GPR179: variants seen among roughly 807,000 people sequenced by gnomAD.
GPR179 encodes G protein-coupled receptor 179.
In GPR179, 52 loss-of-function variants were observed where a neutral mutation model predicts 70.8. That is an observed-to-expected ratio of 0.73 (90% confidence interval 0.59 to 0.93). GPR179 has a LOEUF of 0.93. Among genes scored for constraint, GPR179 ranks in the 40% least tolerant of loss-of-function variants. GPR179 has a pLI of 0.00. For missense variants in GPR179, 2,734 were observed against 2,966.8 expected, an observed-to-expected ratio of 0.92 and a Z score of 1.82; for synonymous variants, 1,123 against 1,169.0, an observed-to-expected ratio of 0.96 and a Z score of 0.80.
chr17:38,338,362 A>G (rs1435486636), intron 2 of GPR179, among the ~76,000 whole-genome samples: 1 of 152,210 alleles, frequency 6.6e-6, no homozygotes, highest in Non-Finnish European at 1.5e-5. Flanking sequence ...ATGAGGTCAG[A>G]TCTATTGTGG....
intron 9 of GPR179, 58 bp downstream of exon 9, chr17:38,333,875 C>T: frequency 7.4e-7 from 1 of 1,343,124 alleles, no homozygotes; most frequent in Non-Finnish European, 1.1e-6. Flanking sequence ...AACCGCTCCA[C>T]AGTGGCCCTG....
intron 3 of GPR179, 102 bp from the exon 4 acceptor site, chr17:38,337,315 T>G: frequency 7.0e-7 from 1 of 1,435,396 alleles, no homozygotes; most frequent in Admixed American, 2.3e-5. Context: ...CCTGTTCTCC[T>G]GTGATCTGGG....
rs1392318735 is a variant in GPR179 at position 38,336,974 on chromosome 17, T to C, written c.1227+4A>G. The C allele has an allele frequency of 6.3e-7, 1 of 1,583,960 alleles. No homozygotes were observed. The highest frequency in any genetic ancestry group is 8.6e-7 in the Non-Finnish European group (1 of 1,165,890). On this transcript the variant is annotated splice_donor_region_variant and intron_variant, in intron 4 of 10. Transcript: ENST00000616987. Reference sequence around the variant, plus strand: ...GTGTGTAGGAGGTGTGGGGCCTTCCTTGCCTTGTTCCGGCGGCAGCGGTAG... The same window carrying C: ...GTGTGTAGGAGGTGTGGGGCCTTCCCTGCCTTGTTCCGGCGGCAGCGGTAG...
rs1273394736 is a variant in GPR179, at chr17:38,335,171, C to A, written c.1507G>T (p.Gly503Cys). ...HLGLLLLPVLGFLAVWTVGAL... is the reference protein window; with the variant it reads ...HLGLLLLPVLCFLAVWTVGAL... The stretch of plus-strand genomic sequence containing the variant: ...CCCACGGTCCACACAGCCAGGAAGC[C>A]CAGCACAGGTAGCAGGAGCAGCCCC... Residue 503 changes from glycine (G) to cysteine (C), a missense_variant, in exon 7 of 11, where the codon GGC (glycine) becomes TGC (cysteine). By Grantham distance (159) the Gly-to-Cys change is radical. Transcript: ENST00000616987. 6.3e-7 allele frequency: 1 copy of A among 1,579,198 alleles called. No homozygotes were observed. The highest frequency in any genetic ancestry group is 8.6e-7 in the Non-Finnish European group (1 of 1,163,070).
intron 4 of GPR179, among the ~76,000 whole-genome samples, 175 bp from the exon 5 acceptor site, chr17:38,336,319 G>T (rs2144271868): frequency 6.6e-6 from 1 of 152,298 alleles, no homozygotes; most frequent in East Asian, 1.9e-4. Flanking sequence ...AACTCCACTG[G>T]CACTAAACAT....
chr17:38,331,218 G>A lies in GPR179; in HGVS notation c.2351C>T (p.Pro784Leu). 1.9e-6 allele frequency: 3 copies of A among 1,597,834 alleles called. No homozygotes were observed. Among genetic ancestry groups the A allele is most frequent in the Non-Finnish European group, 2.6e-6 (3 of 1,173,290 alleles). Residue 784 changes from proline to leucine, a missense_variant, in exon 11 of 11, where the codon CCT (proline) becomes CTT (leucine). Coordinates refer to ENST00000616987, the MANE Select transcript of GPR179 (RefSeq NM_001004334.4). ...CCTCCTCAGCAGTGAGTCAAGAAGA[G>A]GCGGGTCCTGCTCCCTGCGCTGGTC... is the stretch of plus-strand genomic sequence containing the variant. ...TYDQRREQDPPLLDSLLRRKL... is the reference protein window; with the variant it reads ...TYDQRREQDPLLLDSLLRRKL...
Position 38,330,334 on chromosome 17 carries a change from CA to C in GPR179, c.3234del (p.Val1079PhefsTer16). The part of the protein sequence containing the change: ...IFPKSHSLKA[P>X]VQQGSMRSLG... The stretch of plus-strand genomic sequence containing the variant: ...AGGCTGCGCATGGAACCCTGCTGAA[CA>C]GGGGCCTTGAGGCTGTGGGATTTAG... On this transcript the variant is annotated frameshift_variant, in exon 11 of 11. Coordinates refer to ENST00000616987, the MANE Select transcript of GPR179 (RefSeq NM_001004334.4). LOFTEE classifies it low-confidence loss of function (END_TRUNC). 6.2e-7 allele frequency: 1 copy of C among 1,614,018 alleles called. No homozygotes were observed. The highest frequency in any genetic ancestry group is 1.7e-4 in the Middle Eastern group (1 of 6,058).
chr17:38,338,213 C>T (rs1445900863), intron 2 of GPR179, among the ~76,000 whole-genome samples: 1 of 152,252 alleles, frequency 6.6e-6, no homozygotes, highest in Non-Finnish European at 1.5e-5. Context: ...TCGCACAGGA[C>T]TGTTTTTCCC....
In GPR179 at chr17:38,326,138, G is replaced by A; in HGVS notation, c.*327C>T. ...CTGACTTTTTTCATCCCTAACAGTGGCTTTGTGGGTGAGTGTCCAGACTCG... is the reference window on the plus strand; with the variant it reads ...CTGACTTTTTTCATCCCTAACAGTGACTTTGTGGGTGAGTGTCCAGACTCG... On this transcript the variant is annotated 3_prime_UTR_variant, in exon 11 of 11. Transcript: ENST00000616987. The A allele has an allele frequency of 3.4e-6, 1 of 290,204 alleles. No homozygotes were observed. Among genetic ancestry groups the A allele is most frequent in the Non-Finnish European group, 6.4e-6 (1 of 156,294 alleles). The allele number at this position is 290,204 out of a possible 1,614,324, so 18.0% of individuals were successfully genotyped here.
In GPR179 at chr17:38,334,647, G is replaced by C; in HGVS notation, c.1784+57C>G. On this transcript the variant is annotated intron_variant, in intron 8 of 10. Transcript: ENST00000616987. This position sits in a 1 kb window ranked among gnomAD's most constrained non-coding sequence, Gnocchi z 4.7. The stretch of plus-strand genomic sequence containing the variant: ...TGGGATGGGGGCACCTCACCTGGGA[G>C]AGGTGAGGAGTACTGTTAGAGTGGA... 6.4e-7 allele frequency: 1 copy of C among 1,574,730 alleles called. No homozygotes were observed.
Position 38,325,464 on chromosome 17 carries a change from G to A in GPR179, c.*1001C>T, listed in dbSNP as rs1480074674. ...GAGCAAGTGATTCTTGGGCGGGGAG[G>A]GGTGGGGGAGGGTGGATGGGTCTTG... On this transcript the variant is annotated 3_prime_UTR_variant, in exon 11 of 11. Coordinates refer to ENST00000616987, the MANE Select transcript of GPR179 (RefSeq NM_001004334.4). The A allele has an allele frequency of 1.4e-5, 2 of 148,076 alleles. No individual in the cohort carries two copies. The highest frequency in any genetic ancestry group is 5.3e-5 in the African/African-American group (2 of 37,744). The allele number at this position is 148,076 out of a possible 1,614,324, so 9.2% of individuals were successfully genotyped here. A position where few individuals can be genotyped will look rare whatever the true frequency, so the allele number is the denominator to read the frequency against.
At chr17:38,342,906 T>G (rs566388215) in intron 1 of GPR179, 90 bp downstream of exon 1, 2 of 1,293,154 alleles carry the variant, frequency 1.5e-6, no homozygotes, top group Non-Finnish European at 2.1e-6. Context: ...CACATGTTCG[T>G]GCCAAATGGC....
chr17:38,340,347 G>A (rs1240919970), intron 1 of GPR179, among the ~76,000 whole-genome samples: 1 of 152,130 alleles, frequency 6.6e-6, no homozygotes, highest in Non-Finnish European at 1.5e-5. Flanking sequence ...TGGCTATATT[G>A]CTCAGGCTGG....
intron 6 of GPR179, 108 bp downstream of exon 6, chr17:38,335,483 A>G: frequency 1.2e-6 from 1 of 860,836 alleles, no homozygotes; most frequent in South Asian, 1.5e-5. Flanking sequence ...TTGGGGGTAG[A>G]GGGGAGTGGG....
rs2037348351 is a variant in GPR179 at position 38,330,755 on chromosome 17, A to G, written c.2814T>C (p.Ser938=). Residue 938 remains serine, a synonymous_variant, in exon 11 of 11, where the codon TCT becomes TCC. Coordinates refer to ENST00000616987, the MANE Select transcript of GPR179 (RefSeq NM_001004334.4). The part of the protein sequence containing the change: ...LPHPPIRHQV[S]TPILALSGGL... ...CCCCAGACAGGGCCAAGATGGGGGT[A>G]GAAACCTGGTGCCTGATGGGTGGAT... 1.1e-5 allele frequency: 17 copies of G among 1,589,128 alleles called. No homozygotes were observed. The highest frequency in any genetic ancestry group is 1.2e-5 in the Non-Finnish European group (14 of 1,165,316).
Position 38,337,699 on chromosome 17 carries a change from C to G in GPR179, c.925G>C (p.Gly309Arg). 8 of 1,613,830 alleles carry G rather than the reference C, an allele frequency of 5.0e-6. No homozygotes were observed. Among genetic ancestry groups the G allele is most frequent in the Non-Finnish European group, 6.8e-6 (8 of 1,179,874 alleles). Reference sequence around the variant, plus strand: ...CAGAGGTAGCGGCCAAGAACAAAGCCCTGACTCTCCAGGGGGACACACTAT... The same window carrying G: ...CAGAGGTAGCGGCCAAGAACAAAGCGCTGACTCTCCAGGGGGACACACTAT... ...STQCVPLESQ[G>R]FVLGRYLCRC... The change falls in exon 3 of 11, where the codon GGC (glycine) becomes CGC (arginine). Residue 309 changes from glycine to arginine, a missense_variant. By Grantham distance (125) the Gly-to-Arg change is moderately radical. Transcript: ENST00000616987.
chr17:38,336,857 G>T, intron 4 of GPR179, 121 bp downstream of exon 4: 1 of 1,029,246 alleles, frequency 9.7e-7, no homozygotes, highest in Non-Finnish European at 1.4e-6. Flanking sequence ...ATGCTACACA[G>T]TGAGTTAGAT....
At chr17:38,336,471 G>A (rs1388636256) in intron 4 of GPR179, among the ~76,000 whole-genome samples, 1 of 152,152 alleles carries the variant, frequency 6.6e-6, no homozygotes, top group Non-Finnish European at 1.5e-5. Flanking sequence ...TCAAGCGTTG[G>A]GTCAGGCTGC....
intron 9 of GPR179, 78 bp downstream of exon 9, chr17:38,333,855 G>T: frequency 9.0e-7 from 1 of 1,105,592 alleles, no homozygotes; most frequent in Non-Finnish European, 1.3e-6. Flanking sequence ...TGCAGAGGGC[G>T]CTGCGGGACA....
Sources: allele counts gnomAD v4.1 joint callset (sites outside exome capture counted in the v4.1 genomes callset), GRCh38; gene constraint gnomAD v4.1.1; non-coding constraint Gnocchi (gnomAD v3.1); transcripts MANE v1.5; gene names NCBI Gene and HGNC (gene_info 2026-07-23, HGNC 2026-07-21).